The following PLEKHA5 variants were observed in gnomAD, a reference collection of about 807,000 sequenced individuals.
PLEKHA5 encodes the protein pleckstrin homology domain containing A5.
In PLEKHA5, 55 loss-of-function variants were observed where a neutral mutation model predicts 181.9. The observed-to-expected ratio is 0.30, with a 90% CI of 0.24 to 0.38. PLEKHA5 has a LOEUF of 0.38. PLEKHA5 is among the 10% of genes least tolerant of loss of function. The pLI is 1.00. For missense variants in PLEKHA5, 1,432 were observed against 1,549.5 expected (o/e 0.92, Z 1.27); for synonymous variants, 535 against 529.4 (o/e 1.01, Z -0.15).
intron 25 of PLEKHA5, among the ~76,000 whole-genome samples, chr12:19,349,743 A>C (rs2094502910): frequency 6.6e-6 from 1 of 151,244 alleles, no homozygotes. Flanking sequence ...AGAAACAGAA[A>C]AAAAAAAAAA....
At chr12:19,358,197 A>G (rs777975900) in intron 26 of PLEKHA5, 31 bp from the exon 27 acceptor site, 1 of 1,415,666 alleles carries the variant, frequency 7.1e-7, no homozygotes, top group African/African-American at 1.4e-5. Context: ...GTTTTCATTT[A>G]TGTATTGATA....
chr12:19,185,727 A>G lies in PLEKHA5; in HGVS notation c.227+53277A>G, dbSNP rs1377448965. Among the ~76,000 whole-genome samples the G allele has an allele frequency of 3.9e-5, 6 of 152,314 alleles. No homozygotes were observed. In the South Asian group the frequency reaches 1.0e-3, roughly 26 times the overall value. On this transcript the variant is annotated intron_variant, in intron 3 of 31. Coordinates refer to ENST00000429027, the MANE Select transcript of PLEKHA5 (RefSeq NM_001256470.2). The stretch of plus-strand genomic sequence containing the variant: ...TCCCATGAAGAATGCCTGTGTACTT[A>G]ACATATCTTAAAGAATGCAAATGAT...
chr12:19,230,298 A>G (rs1005680214), intron 3 of PLEKHA5, among the ~76,000 whole-genome samples: 1 of 152,208 alleles, frequency 6.6e-6, no homozygotes, highest in African/African-American at 2.4e-5. Flanking sequence ...AGCTGGCTTC[A>G]CCTAGTGGAT....
intron 8 of PLEKHA5, among the ~76,000 whole-genome samples, chr12:19,267,059 C>G (rs775316078): frequency 6.6e-6 from 1 of 152,046 alleles, no homozygotes; most frequent in African/African-American, 2.4e-5. Flanking sequence ...GTGGATCACT[C>G]TCAAGTAAGA....
chr12:19,303,441 A>C (rs1355088063), intron 15 of PLEKHA5: 2 of 152,158 alleles, frequency 1.3e-5, no homozygotes, highest in African/African-American at 4.8e-5. Flanking sequence ...ATTTCTCCAG[A>C]GATAGATTTG....
chr12:19,180,392 G>T (rs938501194), intron 3 of PLEKHA5, among the ~76,000 whole-genome samples: 2 of 152,090 alleles, frequency 1.3e-5, no homozygotes, highest in Non-Finnish European at 2.9e-5. Context: ...TCATCCTCAG[G>T]GCTGAGGCAT....
chr12:19,195,766 T>G (rs1398002700), intron 3 of PLEKHA5, among the ~76,000 whole-genome samples: 1 of 151,738 alleles, frequency 6.6e-6, no homozygotes, highest in Non-Finnish European at 1.5e-5. Flanking sequence ...TATATATCTA[T>G]GAGATATATA....
chr12:19,138,140 A>G (rs370216511), intron 3 of PLEKHA5, among the ~76,000 whole-genome samples: 15 of 152,296 alleles, frequency 9.8e-5, no homozygotes, highest in African/African-American at 3.4e-4. Context: ...TGTCCTATAC[A>G]GGATGGAATT....
intron 3 of PLEKHA5, among the ~76,000 whole-genome samples, chr12:19,182,283 G>C (rs180740366): frequency 6.6e-6 from 1 of 152,070 alleles, no homozygotes; most frequent in Non-Finnish European, 1.5e-5. Flanking sequence ...GCATCCAAGC[G>C]ATTTCTTTCT....
chr12:19,291,788 A>C, intron 15 of PLEKHA5, 91 bp downstream of exon 15: 1 of 641,824 alleles, frequency 1.6e-6, no homozygotes, highest in Non-Finnish European at 2.6e-6. Context: ...TATTTCAGTC[A>C]CGTTGAATTA....
intron 20 of PLEKHA5, among the ~76,000 whole-genome samples, chr12:19,331,670 T>C (rs982027948): frequency 1.5e-4 from 23 of 152,156 alleles, no homozygotes; most frequent in African/African-American, 5.5e-4. Context: ...ACAGACTACA[T>C]AGAAGTAAGC....
chr12:19,267,197 A>G (rs963504385), intron 8 of PLEKHA5, among the ~76,000 whole-genome samples: 3 of 152,322 alleles, frequency 2.0e-5, no homozygotes, highest in Admixed American at 6.5e-5. Flanking sequence ...GTAAGGAACT[A>G]TAAGGTTCTT....
At chr12:19,180,082 T>C (rs769984327) in intron 3 of PLEKHA5, among the ~76,000 whole-genome samples, 3 of 152,204 alleles carry the variant, frequency 2.0e-5, no homozygotes, top group Non-Finnish European at 4.4e-5. Context: ...ACATGATTAA[T>C]GATACTTAGT....
chr12:19,283,733 C>G lies in PLEKHA5; in HGVS notation c.1767C>G (p.Ala589=), dbSNP rs761176704. 2 of 1,609,958 alleles carry G rather than the reference C, an allele frequency of 1.2e-6. No homozygotes were observed. Among genetic ancestry groups the G allele is most frequent in the South Asian group, 1.1e-5 (1 of 90,982 alleles). ...GDVTIDRRHR[A]HHPKHVYVPD... is the part of the protein sequence containing the mutation. Reference sequence around the variant, plus strand: ...TGACAATAGACCGCAGACACAGGGCCCATCACCCTAAGGTAAAATAGCTGC... The same window carrying G: ...TGACAATAGACCGCAGACACAGGGCGCATCACCCTAAGGTAAAATAGCTGC... Residue 589 remains alanine, a synonymous_variant, in exon 12 of 32, where the codon GCC becomes GCG. Transcript: ENST00000429027.
intron 3 of PLEKHA5, among the ~76,000 whole-genome samples, chr12:19,202,646 C>T (rs1239973453): frequency 6.6e-6 from 1 of 151,540 alleles, no homozygotes; most frequent in East Asian, 1.9e-4. Flanking sequence ...CAATTGTGAA[C>T]CCTAACAAAC....
intron 15 of PLEKHA5, among the ~76,000 whole-genome samples, chr12:19,305,859 C>T (rs11044485): frequency 6.3e-4 from 2 of 3,150 alleles, no homozygotes; most frequent in Non-Finnish European, 4.7e-3. Context: ...AAAACTCCAT[C>T]TCAAAAAAAA....
intron 15 of PLEKHA5, chr12:19,306,622 C>T: frequency 6.8e-6 from 7 of 1,034,320 alleles, no homozygotes; most frequent in South Asian, 2.6e-5. Context: ...GTGGTGGCGG[C>T]GGTGGAGGCG....
chr12:19,140,989 C>T (rs1200030103), intron 3 of PLEKHA5, among the ~76,000 whole-genome samples: 1 of 152,048 alleles, frequency 6.6e-6, no homozygotes, highest in South Asian at 2.1e-4. Context: ...ATGGGAGTTT[C>T]ACCATGTTTG....
intron 3 of PLEKHA5, among the ~76,000 whole-genome samples, chr12:19,229,355 G>C (rs1235359586): frequency 2.0e-5 from 3 of 152,180 alleles, no homozygotes; most frequent in Admixed American, 2.0e-4. Flanking sequence ...CTTAAAGGTG[G>C]CGTGTCCAGA....
Sources: allele counts gnomAD v4.1 joint callset (sites outside exome capture counted in the v4.1 genomes callset), GRCh38; gene constraint gnomAD v4.1.1; transcripts MANE v1.5; gene names NCBI Gene and HGNC (gene_info 2026-07-23, HGNC 2026-07-21).